Variants in NKAIN2 observed in about 807,000 individuals in gnomAD.
The protein encoded by NKAIN2 is sodium/potassium transporting ATPase interacting 2.
NKAIN2 carries 14 observed loss-of-function variants against 32.6 expected under a neutral mutation model. The ratio of observed to expected loss-of-function variants is 0.43; its 90% confidence interval spans 0.28 to 0.67. NKAIN2 has a LOEUF of 0.67. Ranked by LOEUF, NKAIN2 falls within the 30% of genes least tolerant of loss-of-function variation. NKAIN2 has a pLI of 0.17. For missense variants in NKAIN2, 198 were observed against 258.3 expected (o/e 0.77, Z 1.60); for synonymous variants, 80 against 87.2 (o/e 0.92, Z 0.46).
chr6:124,226,590 A>G (rs531991567), intron 1 of NKAIN2, among the ~76,000 whole-genome samples: 14 of 151,876 alleles, frequency 9.2e-5, no homozygotes, highest in Admixed American at 4.6e-4. Flanking sequence ...GACTCTGATT[A>G]TTTTCTCTTC....
chr6:124,222,246 A>G (rs903063818), intron 1 of NKAIN2, among the ~76,000 whole-genome samples: 5 of 152,344 alleles, frequency 3.3e-5, no homozygotes, highest in Middle Eastern at 3.4e-3. Flanking sequence ...AAAGGAAAGA[A>G]ATGTTGTTGC....
intron 4 of NKAIN2, among the ~76,000 whole-genome samples, chr6:124,665,449 T>G (rs528571411): frequency 1.3e-5 from 2 of 152,208 alleles, no homozygotes; most frequent in Non-Finnish European, 2.9e-5. Flanking sequence ...TTCAAGTGTT[T>G]AATTCTTTCC....
chr6:124,565,839 A>T (rs781226227), intron 3 of NKAIN2, among the ~76,000 whole-genome samples: 1 of 152,088 alleles, frequency 6.6e-6, no homozygotes, highest in Non-Finnish European at 1.5e-5. Context: ...TTACAGAAGG[A>T]TGGGAAGTGT....
chr6:124,204,166 G>A (rs1446863409), intron 1 of NKAIN2, among the ~76,000 whole-genome samples: 1 of 151,820 alleles, frequency 6.6e-6, no homozygotes, highest in African/African-American at 2.4e-5. Flanking sequence ...GAAATCAGTT[G>A]CAGGTACACA....
intron 1 of NKAIN2, among the ~76,000 whole-genome samples, chr6:124,033,418 G>A (rs1279084859): frequency 6.6e-6 from 1 of 152,108 alleles, no homozygotes; most frequent in Non-Finnish European, 1.5e-5. Flanking sequence ...TGGTATACAA[G>A]TAGGGGGAAG....
At chr6:124,628,200 T>C (rs573330950) in intron 3 of NKAIN2, among the ~76,000 whole-genome samples, 7 of 152,318 alleles carry the variant, frequency 4.6e-5, no homozygotes, top group Non-Finnish European at 1.0e-4. Context: ...CCTTTAGGTT[T>C]AGTTAACAAA....
chr6:124,250,822 C>A (rs1446317605), intron 1 of NKAIN2, among the ~76,000 whole-genome samples: 1 of 151,780 alleles, frequency 6.6e-6, no homozygotes, highest in Non-Finnish European at 1.5e-5. Flanking sequence ...TTATAATAAT[C>A]CTAATTCATA....
chr6:123,908,878 A>G (rs1169019212), intron 1 of NKAIN2, among the ~76,000 whole-genome samples: 2 of 152,160 alleles, frequency 1.3e-5, no homozygotes, highest in Non-Finnish European at 2.9e-5. Context: ...CATAATTACT[A>G]TTTTGACAGT....
chr6:124,534,604 G>A (rs796342541), intron 3 of NKAIN2, among the ~76,000 whole-genome samples: 10 of 152,300 alleles, frequency 6.6e-5, no homozygotes, highest in African/African-American at 2.4e-4. Context: ...GAATACTTTA[G>A]TGTTTCATCC....
chr6:124,047,134 A>G lies in NKAIN2; in HGVS notation c.55-235871A>G, dbSNP rs118188489. Among the ~76,000 whole-genome samples the G allele has an allele frequency of 5.1e-4, 78 of 152,082 alleles. No individual in the cohort carries two copies. The East Asian group carries it at 0.013, about 26-fold the overall frequency. ...TTTTTTGTTAACCCTTTACAATCCA[A>G]TTACTTTACTGTCCTGGAAGACTCT... On this transcript the variant is annotated intron_variant, in intron 1 of 6. Transcript: ENST00000368417.
At chr6:123,938,397 T>C (rs1412686878) in intron 1 of NKAIN2, among the ~76,000 whole-genome samples, 6 of 1,642 alleles carry the variant, frequency 3.7e-3, no homozygotes, top group South Asian at 0.056. Context: ...TTGCAAGGGT[T>C]ATATATATAT....
chr6:124,029,211 C>A (rs1781296059), intron 1 of NKAIN2, among the ~76,000 whole-genome samples: 1 of 151,822 alleles, frequency 6.6e-6, no homozygotes, highest in East Asian at 1.9e-4. Flanking sequence ...TCTGGGATGT[C>A]TGTCTATTGT....
chr6:124,157,421 A>G (rs1186071419), intron 1 of NKAIN2, among the ~76,000 whole-genome samples: 3 of 152,098 alleles, frequency 2.0e-5, no homozygotes, highest in Non-Finnish European at 4.4e-5. Flanking sequence ...ATTGTCTGAC[A>G]TTGTTCACAA....
chr6:124,695,679 A>T (rs1409619599), intron 4 of NKAIN2, among the ~76,000 whole-genome samples: 1 of 152,212 alleles, frequency 6.6e-6, no homozygotes, highest in African/African-American at 2.4e-5. Flanking sequence ...GCATTAAAAA[A>T]TATTTCATTT....
intron 1 of NKAIN2, among the ~76,000 whole-genome samples, chr6:124,019,558 A>G (rs1013609874): frequency 6.6e-6 from 1 of 152,178 alleles, no homozygotes; most frequent in South Asian, 2.1e-4. Context: ...TACTTGCCAG[A>G]GTAGTAAGCT....
At chr6:124,520,572 A>T (rs1185146781) in intron 3 of NKAIN2, among the ~76,000 whole-genome samples, 1 of 152,202 alleles carries the variant, frequency 6.6e-6, no homozygotes, top group Non-Finnish European at 1.5e-5. Flanking sequence ...AGCAAGACCT[A>T]AAATGTATTT....
chr6:124,531,647 A>G (rs2114822160), intron 3 of NKAIN2, among the ~76,000 whole-genome samples: 1 of 152,218 alleles, frequency 6.6e-6, no homozygotes, highest in African/African-American at 2.4e-5. Flanking sequence ...GGCAGTGAAT[A>G]TTTGAAAGTT....
In NKAIN2 at chr6:124,237,078, G is replaced by A. The variant is rs1004055077; in HGVS notation, c.55-45927G>A. Among the ~76,000 whole-genome samples the A allele has an allele frequency of 5.3e-5, 8 of 152,250 alleles. No individual in the cohort carries two copies. In the East Asian group the frequency reaches 9.7e-4, roughly 18 times the overall value. ...TTCTAGTTTAATCAAGGGAACCGAC[G>A]ATCATTGAGACATACTATGGAAAGA... is the stretch of plus-strand genomic sequence containing the variant. On this transcript the variant is annotated intron_variant, in intron 1 of 6. Coordinates refer to ENST00000368417, the MANE Select transcript of NKAIN2 (RefSeq NM_001040214.3).
At chr6:124,380,082 G>C (rs974674542) in intron 3 of NKAIN2, among the ~76,000 whole-genome samples, 1 of 152,272 alleles carries the variant, frequency 6.6e-6, no homozygotes, top group South Asian at 2.1e-4. Flanking sequence ...AAGAAGAAAT[G>C]TGCTCCATTG....
Sources: gnomAD v4.1 joint callset for allele counts (sites outside exome capture counted in the v4.1 genomes callset) on GRCh38, gnomAD v4.1.1 for gene constraint, MANE v1.5 for transcripts, NCBI Gene and HGNC (gene_info 2026-07-23, HGNC 2026-07-21) for gene names.